Variants in SPTLC3 observed in about 807,000 individuals in gnomAD.
SPTLC3 encodes the protein serine palmitoyltransferase long chain base subunit 3.
In SPTLC3, 36 loss-of-function variants were observed where a neutral mutation model predicts 59.3. The ratio of observed to expected loss-of-function variants is 0.61; its 90% CI spans 0.47 to 0.80. SPTLC3 has a LOEUF of 0.80. SPTLC3 is among the 30% of genes least tolerant of loss of function. SPTLC3 has a pLI of 0.00. For missense variants in SPTLC3, 625 were observed against 685.1 expected (o/e 0.91, Z 0.98); for synonymous variants, 257 against 240.8 (o/e 1.07, Z -0.62).
intron 6 of SPTLC3, among the ~76,000 whole-genome samples, chr20:13,103,659 G>A (rs1989709686): frequency 6.6e-6 from 1 of 152,216 alleles, no homozygotes; most frequent in Non-Finnish European, 1.5e-5. Flanking sequence ...TATGGAAAGT[G>A]GAGGCTGAGT....
At chr20:13,117,872 C>A (rs1990654123) in intron 8 of SPTLC3, 147 bp downstream of exon 8, 2 of 672,282 alleles carry the variant, frequency 3.0e-6, no homozygotes, top group Non-Finnish European at 4.9e-6. Context: ...GGTTCACAGC[C>A]AGATAAGGCC....
intron 2 of SPTLC3, among the ~76,000 whole-genome samples, chr20:13,059,453 C>T (rs553010448): frequency 2.5e-4 from 38 of 152,272 alleles, no homozygotes; most frequent in African/African-American, 7.7e-4. Flanking sequence ...ATTTGCAATT[C>T]GGCTACCACC....
intron 1 of SPTLC3, among the ~76,000 whole-genome samples, chr20:13,047,716 C>T (rs1356038837): frequency 6.6e-6 from 1 of 152,118 alleles, no homozygotes; most frequent in Non-Finnish European, 1.5e-5. Context: ...TAAAAGTCCA[C>T]TTTCTACTGA....
intron 2 of SPTLC3, among the ~76,000 whole-genome samples, chr20:13,068,548 T>C (rs1988316897): frequency 6.6e-6 from 1 of 152,020 alleles, no homozygotes; most frequent in Non-Finnish European, 1.5e-5. Context: ...GGAGTGGAAA[T>C]ACACACAGAC....
At chr20:13,089,593 C>T (rs1393326946) in intron 4 of SPTLC3, among the ~76,000 whole-genome samples, 1 of 152,054 alleles carries the variant, frequency 6.6e-6, no homozygotes, top group Non-Finnish European at 1.5e-5. Context: ...CGAGACCAGC[C>T]TGCGCAACAA....
chr20:13,124,248 TC>T (rs1364288301), intron 8 of SPTLC3, among the ~76,000 whole-genome samples: 1 of 151,724 alleles, frequency 6.6e-6, no homozygotes, highest in Non-Finnish European at 1.5e-5. Context: ...CCTCCTGGAC[TC>T]CCACACATGT....
intron 2 of SPTLC3, among the ~76,000 whole-genome samples, chr20:13,065,782 C>A (rs1988181352): frequency 6.6e-6 from 1 of 150,884 alleles, no homozygotes; most frequent in South Asian, 2.1e-4. Context: ...TTAAAAACTT[C>A]AAGCTTTTTA....
intron 6 of SPTLC3, among the ~76,000 whole-genome samples, chr20:13,109,376 A>AT (rs1490403179): frequency 6.6e-6 from 1 of 152,200 alleles, no homozygotes; most frequent in Non-Finnish European, 1.5e-5. Context: ...TCAAATCCTG[A>AT]TTCTGTTGCT....
intron 1 of SPTLC3, among the ~76,000 whole-genome samples, chr20:13,022,954 T>A (rs1985963149): frequency 6.6e-6 from 1 of 152,168 alleles, no homozygotes; most frequent in Non-Finnish European, 1.5e-5. Context: ...ACTCATCTCC[T>A]GCTACTTTCC....
intron 9 of SPTLC3, among the ~76,000 whole-genome samples, chr20:13,150,777 C>G (rs2038623819): frequency 6.6e-6 from 1 of 152,190 alleles, no homozygotes; most frequent in Admixed American, 6.5e-5. Context: ...TTGCCTTGTT[C>G]ACAACTTCTG....
At position 13,168,450 on chromosome 20, in the gene SPTLC3, T is replaced by TG. The variant is rs1454669603; in HGVS notation, c.*3586dup. Reference sequence around the variant, plus strand: ...CTCCCACCTCGGCCTCCCAAAGTGCTGGGATTACAGGCGTGAGCCACCGTG... The same window carrying TG: ...CTCCCACCTCGGCCTCCCAAAGTGCTGGGGATTACAGGCGTGAGCCACCGTG... On this transcript the variant is annotated 3_prime_UTR_variant, in exon 12 of 12. Transcript: ENST00000399002. 2.0e-5 allele frequency: 3 copies of TG among 152,334 alleles called. No homozygotes were observed. Among genetic ancestry groups the TG allele is most frequent in the Non-Finnish European group, 4.4e-5 (3 of 68,162 alleles). The allele number at this position is 152,334 out of a possible 1,614,324, so 9.4% of individuals were successfully genotyped here.
chr20:13,073,277 C>G (rs558686143), intron 3 of SPTLC3, among the ~76,000 whole-genome samples: 2 of 152,212 alleles, frequency 1.3e-5, no homozygotes, highest in African/African-American at 4.8e-5. Context: ...TTTTTAGCTC[C>G]CACGTTATAG....
intron 2 of SPTLC3, among the ~76,000 whole-genome samples, chr20:13,066,067 T>A (rs1458077158): frequency 6.6e-6 from 1 of 152,228 alleles, no homozygotes; most frequent in Non-Finnish European, 1.5e-5. Context: ...ATCCCCCTAT[T>A]TTCACCATGC....
At chr20:13,073,780 C>A (rs566119012) in intron 3 of SPTLC3, 4 of 596,916 alleles carry the variant, frequency 6.7e-6, no homozygotes, top group Non-Finnish European at 1.3e-5. Flanking sequence ...GGGCAGCCAG[C>A]CTGCACTGGT....
chr20:13,113,484 A>G (rs1024019253), intron 7 of SPTLC3, among the ~76,000 whole-genome samples: 1 of 152,178 alleles, frequency 6.6e-6, no homozygotes, highest in Non-Finnish European at 1.5e-5. Flanking sequence ...GGGAGATATC[A>G]AGATAGAAAA....
chr20:13,124,823 G>A (rs998119113), intron 8 of SPTLC3, among the ~76,000 whole-genome samples: 2 of 152,188 alleles, frequency 1.3e-5, no homozygotes, highest in South Asian at 4.1e-4. Context: ...GCCCAGGCTC[G>A]GAAGTGGGAA....
chr20:13,059,915 G>C (rs1006148806), intron 2 of SPTLC3, among the ~76,000 whole-genome samples: 5 of 151,878 alleles, frequency 3.3e-5, no homozygotes, highest in African/African-American at 1.2e-4. Context: ...TTCAAATTCA[G>C]CACCACTAGC....
rs145378764 is a variant in SPTLC3, at chr20:13,057,791, T to C, written c.303+8661T>C. Among the ~76,000 whole-genome samples the C allele has an allele frequency of 3.3e-5, 5 of 152,344 alleles. No individual in the cohort carries two copies. The East Asian group carries it at 9.6e-4, about 29-fold the overall frequency. The stretch of plus-strand genomic sequence containing the variant: ...TCTTTGTTTTAATAAAAGACAACTT[T>C]AGAGTTGAACCACAAGTTCTCAAAA... On this transcript the variant is annotated intron_variant, in intron 2 of 11. Coordinates refer to ENST00000399002, the MANE Select transcript of SPTLC3 (RefSeq NM_018327.4).
intron 2 of SPTLC3, among the ~76,000 whole-genome samples, chr20:13,062,233 T>C (rs1044036298): frequency 6.6e-6 from 1 of 152,082 alleles, no homozygotes; most frequent in Non-Finnish European, 1.5e-5. Context: ...CAGGCTTGGA[T>C]CTAAATATCT....
Sources: allele counts gnomAD v4.1 joint callset (sites outside exome capture counted in the v4.1 genomes callset), GRCh38; gene constraint gnomAD v4.1.1; transcripts MANE v1.5; gene names NCBI Gene and HGNC (gene_info 2026-07-23, HGNC 2026-07-21).